The following PDILT variants were observed in gnomAD, a reference collection of about 807,000 sequenced individuals.
PDILT encodes protein disulfide isomerase like, testis expressed.
In PDILT, 43 loss-of-function variants were observed where a neutral mutation model predicts 53.7. That is an observed-to-expected ratio of 0.80 (90% CI 0.63 to 1.03). The LOEUF (loss-of-function observed/expected upper bound fraction) is 1.03. PDILT is among the 50% of genes least tolerant of loss of function. The probability of loss-of-function intolerance (pLI) is 0.00; values close to 1 mark genes in which losing one functional copy is unlikely to be tolerated. For synonymous variants in PDILT, 282 were observed against 274.2 expected, an observed-to-expected ratio of 1.03 and a Z score of -0.28; for missense variants, 727 against 712.3, an observed-to-expected ratio of 1.02 and a Z score of -0.24.
intron 1 of PDILT, among the ~76,000 whole-genome samples, chr16:20,403,339 G>C (rs1033561360): frequency 2.6e-5 from 4 of 152,078 alleles, no homozygotes; most frequent in Non-Finnish European, 5.9e-5. Context: ...GCCCAGGCTG[G>C]AGTGCAATCA....
chr16:20,391,550 T>C (rs1267536330), intron 2 of PDILT, among the ~76,000 whole-genome samples: 1 of 152,110 alleles, frequency 6.6e-6, no homozygotes, highest in Non-Finnish European at 1.5e-5. Context: ...CTTCTCTCCT[T>C]GATTCATTCA....
chr16:20,366,987 CCTTT>C lies in PDILT; in HGVS notation c.1117-1451_1117-1448del, dbSNP rs1189307859. Among the ~76,000 whole-genome samples, 113 of 83,078 alleles carry C rather than the reference CCTTT, an allele frequency of 1.4e-3. 5 individuals carry two copies. The highest frequency in any genetic ancestry group is 3.5e-3 in the African/African-American group (91 of 26,264). The allele number at this position is 83,078 out of a possible 152,430, so 54.5% of individuals were successfully genotyped here. On this transcript the variant is annotated intron_variant, in intron 8 of 11. Coordinates refer to ENST00000302451, the MANE Select transcript of PDILT (RefSeq NM_174924.2). ...TCCTTCCTTCCTTCCTTCCTTCCTT[CCTTT>C]CTTTCTTTCTTTATTTATTTCTCTC...
At chr16:20,384,552 G>C (rs1420602811) in intron 3 of PDILT, 93 bp downstream of exon 3, 2 of 1,471,082 alleles carry the variant, frequency 1.4e-6, no homozygotes, top group Non-Finnish European at 1.9e-6. Context: ...TCCCCGAGAA[G>C]CTGCATGGAG....
chr16:20,392,467 G>T (rs927972336), intron 2 of PDILT, among the ~76,000 whole-genome samples: 1 of 152,146 alleles, frequency 6.6e-6, no homozygotes, highest in Non-Finnish European at 1.5e-5. Context: ...AGACTGGGGT[G>T]GTCCCTGGGG....
At chr16:20,404,038 G>A (rs1033652069) in intron 1 of PDILT, among the ~76,000 whole-genome samples, 4 of 152,152 alleles carry the variant, frequency 2.6e-5, no homozygotes, top group African/African-American at 7.2e-5. Context: ...TATTATTTAT[G>A]AGTGTACTTT....
intron 1 of PDILT, among the ~76,000 whole-genome samples, chr16:20,403,298 T>C (rs1966767236): frequency 1.3e-5 from 2 of 152,292 alleles, no homozygotes. Flanking sequence ...ATTTTTATTT[T>C]TATTGTTTGA....
chr16:20,396,315 A>G (rs952206872), intron 2 of PDILT, among the ~76,000 whole-genome samples: 1 of 152,232 alleles, frequency 6.6e-6, no homozygotes, highest in Non-Finnish European at 1.5e-5. Flanking sequence ...ATGTTACACC[A>G]AACCTTGATG....
intron 2 of PDILT, among the ~76,000 whole-genome samples, chr16:20,397,649 G>A (rs1343623040): frequency 6.6e-6 from 1 of 152,208 alleles, no homozygotes; most frequent in African/African-American, 2.4e-5. Flanking sequence ...GTTCTGGTCA[G>A]AGGGCAGCAC....
rs1280360896 is a variant in PDILT, at chr16:20,372,851, C to A, written c.869G>T (p.Gly290Val). The part of the protein sequence containing the change: ...LFVSKSSESY[G>V]IIIQHYKLAS... ...CAGCTTATAATGCTGAATTATGATACCATATGACTCGGAGCTTTTGGAGAC... is the reference window on the plus strand; with the variant it reads ...CAGCTTATAATGCTGAATTATGATAACATATGACTCGGAGCTTTTGGAGAC... Residue 290 changes from glycine to valine, a missense_variant, in exon 7 of 12, where the codon GGT becomes GTT. Gly to Val is a moderately radical substitution (Grantham distance 109). Coordinates refer to ENST00000302451, the MANE Select transcript of PDILT (RefSeq NM_174924.2). 1.2e-6 allele frequency: 2 copies of A among 1,614,022 alleles called. No individual in the cohort carries two copies. The highest frequency in any genetic ancestry group is 1.7e-6 in the Non-Finnish European group (2 of 1,179,944).
At chr16:20,371,563 G>C (rs990280828) in intron 7 of PDILT, among the ~76,000 whole-genome samples, 3 of 152,310 alleles carry the variant, frequency 2.0e-5, no homozygotes, top group Middle Eastern at 3.4e-3. Context: ...GGTGCAATCT[G>C]TTGAAACAGT....
chr16:20,367,483 A>G (rs1420055493), intron 8 of PDILT, among the ~76,000 whole-genome samples: 1 of 152,132 alleles, frequency 6.6e-6, no homozygotes, highest in African/African-American at 2.4e-5. Flanking sequence ...GGGAATTGGG[A>G]ATGGCTCAGA....
At chr16:20,386,849 T>C (rs1468644995) in intron 2 of PDILT, among the ~76,000 whole-genome samples, 1 of 152,212 alleles carries the variant, frequency 6.6e-6, no homozygotes, top group Non-Finnish European at 1.5e-5. Flanking sequence ...AATCCGAATC[T>C]GAGTTTCTGA....
intron 1 of PDILT, among the ~76,000 whole-genome samples, chr16:20,402,975 G>A (rs1238650022): frequency 1.3e-5 from 2 of 152,166 alleles, no homozygotes; most frequent in Admixed American, 6.5e-5. Context: ...CAAAGTCCAA[G>A]CTCAGCTCCA....
At chr16:20,370,664 G>A (rs777016011) in intron 7 of PDILT, among the ~76,000 whole-genome samples, 3 of 152,120 alleles carry the variant, frequency 2.0e-5, no homozygotes, top group South Asian at 2.1e-4. Flanking sequence ...TGAGACCTAC[G>A]GGGCTCCTTT....
chr16:20,368,947 C>A (rs1966260285), intron 8 of PDILT, among the ~76,000 whole-genome samples: 1 of 152,178 alleles, frequency 6.6e-6, no homozygotes, highest in Non-Finnish European at 1.5e-5. Flanking sequence ...GGTTACCTTA[C>A]TCAGCAGAGT....
chr16:20,396,297 C>T (rs552783940), intron 2 of PDILT, among the ~76,000 whole-genome samples: 1 of 152,306 alleles, frequency 6.6e-6, no homozygotes, highest in East Asian at 1.9e-4. Context: ...TTGCCTGGAT[C>T]CCAATATATG....
intron 3 of PDILT, among the ~76,000 whole-genome samples, chr16:20,377,695 C>T (rs890210263): frequency 3.3e-5 from 5 of 152,162 alleles, no homozygotes; most frequent in African/African-American, 1.2e-4. Flanking sequence ...TGGCTCATGC[C>T]TGTAATCCCA....
intron 7 of PDILT, among the ~76,000 whole-genome samples, chr16:20,370,334 T>A (rs1823757719): frequency 6.6e-6 from 1 of 152,000 alleles, no homozygotes; most frequent in Non-Finnish European, 1.5e-5. Context: ...CAGCAATGAG[T>A]GCCAGTTAGA....
Position 20,372,947 on chromosome 16 carries a change from A to G in PDILT, c.793-20T>C, listed in dbSNP as rs201574961. The G allele has an allele frequency of 6.9e-5, 112 of 1,613,916 alleles. No individual in the cohort carries two copies. In the African/African-American group the frequency reaches 1.2e-3, roughly 17 times the overall value. ...CTTATTCTGAAATGACCAGGAAAAT[A>G]TGTCATCCCAAGCACACACAGTGGC... On this transcript the variant is annotated intron_variant, in intron 6 of 11. Transcript: ENST00000302451.
Sources: gnomAD v4.1 joint callset for allele counts (sites outside exome capture counted in the v4.1 genomes callset) on GRCh38, gnomAD v4.1.1 for gene constraint, MANE v1.5 for transcripts, NCBI Gene and HGNC (gene_info 2026-07-23, HGNC 2026-07-21) for gene names.